The following INPP4B variants were observed in gnomAD, a reference collection of about 807,000 sequenced individuals.
The protein encoded by INPP4B is inositol polyphosphate 4-phosphatase type II.
A neutral mutation model predicts 122.5 loss-of-function variants in INPP4B; 55 were observed. The ratio of observed to expected loss-of-function variants is 0.45; its 90% CI spans 0.36 to 0.56. INPP4B has a LOEUF of 0.56. Among genes scored for constraint, INPP4B ranks in the 20% least tolerant of loss-of-function variants. INPP4B has a pLI of 0.00. For synonymous variants in INPP4B, 403 were observed against 388.7 expected (o/e 1.04, Z -0.43); for missense variants, 1,000 against 1,097.7 (o/e 0.91, Z 1.26).
intron 2 of INPP4B, among the ~76,000 whole-genome samples, chr4:142,575,360 C>T (rs1733628761): frequency 6.6e-6 from 1 of 151,940 alleles, no homozygotes; most frequent in South Asian, 2.1e-4. Context: ...ATTTTGAAGA[C>T]CTGTTGTCAT....
intron 18 of INPP4B, 94 bp downstream of exon 18, chr4:142,145,746 A>G: frequency 8.2e-7 from 1 of 1,219,904 alleles, no homozygotes; most frequent in Non-Finnish European, 1.2e-6. Context: ...CATCAAAGAT[A>G]CTATTGACTC....
chr4:142,288,047 C>T (rs1754637815), intron 9 of INPP4B, among the ~76,000 whole-genome samples: 1 of 152,240 alleles, frequency 6.6e-6, no homozygotes, highest in African/African-American at 2.4e-5. Flanking sequence ...GCCTCACACT[C>T]ATCAAGTCAT....
chr4:142,567,951 AT>A (rs1206725365), intron 2 of INPP4B, among the ~76,000 whole-genome samples: 1 of 152,090 alleles, frequency 6.6e-6, no homozygotes, highest in African/African-American at 2.4e-5. Flanking sequence ...AAACAATCAT[AT>A]TTTTCAAATA....
chr4:142,670,787 A>T (rs1756885393), intron 2 of INPP4B, among the ~76,000 whole-genome samples: 1 of 152,128 alleles, frequency 6.6e-6, no homozygotes, highest in African/African-American at 2.4e-5. Context: ...ATGCTAAGAG[A>T]GTAGATGTAA....
chr4:142,145,784 C>T lies in INPP4B; in HGVS notation c.1720+56G>A, dbSNP rs557134169. On this transcript the variant is annotated intron_variant, in intron 18 of 25. Coordinates refer to ENST00000262992, the MANE Select transcript of INPP4B (RefSeq NM_001101669.3). The stretch of plus-strand genomic sequence containing the variant: ...CTTCTTCTATATCATTTTTTTTTCA[C>T]GAGTTTCTCATTTTGTTTACTCAGT... 1.7e-4 allele frequency: 259 copies of T among 1,520,272 alleles called. No individual in the cohort carries two copies. In the African/African-American group the frequency reaches 2.2e-3, roughly 13 times the overall value. The allele number at this position is 1,520,272 out of a possible 1,614,324, so 94.2% of individuals were successfully genotyped here.
At chr4:142,612,349 G>A (rs184231382) in intron 2 of INPP4B, among the ~76,000 whole-genome samples, 17 of 152,268 alleles carry the variant, frequency 1.1e-4, no homozygotes, top group Non-Finnish European at 1.9e-4. Context: ...ATTAGGCCTC[G>A]CAATTATTTA....
At chr4:142,381,149 A>G (rs1253692417) in intron 7 of INPP4B, among the ~76,000 whole-genome samples, 1 of 152,160 alleles carries the variant, frequency 6.6e-6, no homozygotes, top group African/African-American at 2.4e-5. Flanking sequence ...CAAAATGTAC[A>G]CTTATTTTCA....
At chr4:142,523,672 T>G (rs182837288) in intron 2 of INPP4B, among the ~76,000 whole-genome samples, 3 of 152,184 alleles carry the variant, frequency 2.0e-5, no homozygotes, top group Admixed American at 2.0e-4. Context: ...CTTTTATTAT[T>G]ATACTTTAAG....
Position 142,046,024 on chromosome 4 carries a change from A to G in INPP4B, c.2643-17110T>C, listed in dbSNP as rs75030565. ...CCTTTTTTGAGGGGGTGAGCAAAAG[A>G]AGGAGCATTTTCAACACTTCACCCT... On this transcript the variant is annotated intron_variant, in intron 25 of 25. Coordinates refer to ENST00000262992, the MANE Select transcript of INPP4B (RefSeq NM_001101669.3). Among the ~76,000 whole-genome samples the G allele has an allele frequency of 6.6e-3, 1,002 of 151,738 alleles. 6 individuals are homozygous for G. Among genetic ancestry groups the G allele is most frequent in the Non-Finnish European group, 0.012 (800 of 67,916 alleles).
At chr4:142,821,534 A>G (rs1299744203) in intron 1 of INPP4B, among the ~76,000 whole-genome samples, 1 of 152,160 alleles carries the variant, frequency 6.6e-6, no homozygotes, top group Non-Finnish European at 1.5e-5. Context: ...ATTAGTAGGT[A>G]TAGTTTATTT....
intron 2 of INPP4B, among the ~76,000 whole-genome samples, chr4:142,662,289 C>T (rs1251677650): frequency 6.6e-6 from 1 of 152,016 alleles, no homozygotes; most frequent in Non-Finnish European, 1.5e-5. Context: ...AGTTTGACCA[C>T]TGCACATGTG....
At chr4:142,031,402 A>C (rs1451627367) in intron 25 of INPP4B, among the ~76,000 whole-genome samples, 3 of 152,184 alleles carry the variant, frequency 2.0e-5, no homozygotes, top group African/African-American at 7.2e-5. Flanking sequence ...ATTTTTGACC[A>C]GGCATTGACC....
rs117928468 is a variant in INPP4B at position 142,462,624 on chromosome 4, C to G, written c.-127+39G>C. On this transcript the variant is annotated intron_variant, in intron 3 of 25. Transcript: ENST00000262992. ...AATTAATCATCAGTTTAAATGAATA[C>G]AATGTGTTGATGTTACGTGTTGAGA... 7 of 152,214 alleles carry G rather than the reference C, an allele frequency of 4.6e-5. No homozygotes were observed. The East Asian group carries it at 1.4e-3, about 29-fold the overall frequency. The allele number at this position is 152,214 out of a possible 1,614,324, so 9.4% of individuals were successfully genotyped here.
At chr4:142,279,681 T>C (rs948857293) in intron 9 of INPP4B, among the ~76,000 whole-genome samples, 1 of 151,910 alleles carries the variant, frequency 6.6e-6, no homozygotes, top group South Asian at 2.1e-4. Context: ...TGAACTGGAC[T>C]TAGGTTCTTA....
intron 25 of INPP4B, among the ~76,000 whole-genome samples, chr4:142,070,913 A>C (rs964080018): frequency 9.2e-5 from 14 of 152,192 alleles, no homozygotes; most frequent in Non-Finnish European, 1.6e-4. Context: ...CATACTGCCC[A>C]AGGTAATTTA....
In INPP4B at chr4:142,565,665, G is replaced by A. The variant is rs114966458; in HGVS notation, c.-190-102939C>T. On this transcript the variant is annotated intron_variant, in intron 2 of 25. Coordinates refer to ENST00000262992, the MANE Select transcript of INPP4B (RefSeq NM_001101669.3). ...AGTGGCAAAGGTGTGATAAATTACA[G>A]GATATTTAAATTCTCTCAAATTATT... is the stretch of plus-strand genomic sequence containing the variant. Among the ~76,000 whole-genome samples the A allele has an allele frequency of 8.0e-3, 1,223 of 152,156 alleles. 20 individuals carry two copies. The highest frequency in any genetic ancestry group is 0.028 in the African/African-American group (1,164 of 41,486).
At chr4:142,607,646 T>G (rs1393001405) in intron 2 of INPP4B, among the ~76,000 whole-genome samples, 2 of 152,162 alleles carry the variant, frequency 1.3e-5, no homozygotes, top group Admixed American at 6.6e-5. Flanking sequence ...TAATAATATA[T>G]TAATGCTCTG....
At chr4:142,392,306 T>G (rs1473851790) in intron 7 of INPP4B, among the ~76,000 whole-genome samples, 2 of 152,186 alleles carry the variant, frequency 1.3e-5, no homozygotes, top group African/African-American at 2.4e-5. Context: ...ATCTTAAGAC[T>G]CTTATCTTTG....
At chr4:142,492,035 G>A (rs975357857) in intron 2 of INPP4B, among the ~76,000 whole-genome samples, 3 of 152,098 alleles carry the variant, frequency 2.0e-5, no homozygotes, top group African/African-American at 7.2e-5. Flanking sequence ...ACTGAATCAT[G>A]GGAGCAGTTA....
Sources: allele counts gnomAD v4.1 joint callset (sites outside exome capture counted in the v4.1 genomes callset), GRCh38; gene constraint gnomAD v4.1.1; transcripts MANE v1.5; gene names NCBI Gene and HGNC (gene_info 2026-07-23, HGNC 2026-07-21).